Variants in CSMD1 observed in about 807,000 individuals in gnomAD.
The protein encoded by CSMD1 is CUB and sushi domain-containing protein 1.
A neutral mutation model predicts 417.5 loss-of-function variants in CSMD1; 213 were observed. That is an observed-to-expected ratio of 0.51 (90% CI 0.46 to 0.57). CSMD1 has a LOEUF of 0.57. Ranked by LOEUF, CSMD1 falls within the 20% of genes least tolerant of loss-of-function variation. The probability of loss-of-function intolerance (pLI) is 0.00; values close to 1 mark genes in which losing one functional copy is unlikely to be tolerated. For missense variants in CSMD1, 6,923 were observed against 4,529.7 expected, an observed-to-expected ratio of 1.53 and a Z score of -15.17; for synonymous variants, 2,862 against 1,736.8, an observed-to-expected ratio of 1.65 and a Z score of -16.11.
chr8:4,135,854 A>T (rs896541187), intron 3 of CSMD1, among the ~76,000 whole-genome samples: 4 of 152,172 alleles, frequency 2.6e-5, no homozygotes, highest in African/African-American at 9.7e-5. Context: ...GCATTTTTTT[A>T]AATCTAATAA....
intron 26 of CSMD1, among the ~76,000 whole-genome samples, chr8:3,255,946 C>G (rs137870464): frequency 0.054 from 8,168 of 152,278 alleles, 244 homozygotes; most frequent in Middle Eastern, 0.071. Flanking sequence ...AATCACCCAT[C>G]TTCTGCATCG....
At chr8:4,374,741 G>C (rs750726014) in intron 3 of CSMD1, among the ~76,000 whole-genome samples, 1 of 152,160 alleles carries the variant, frequency 6.6e-6, no homozygotes, top group South Asian at 2.1e-4. Flanking sequence ...ATGAGCAGCA[G>C]AGACGTCCAA....
chr8:4,177,418 C>T (rs1400072503), intron 3 of CSMD1, among the ~76,000 whole-genome samples: 2 of 151,872 alleles, frequency 1.3e-5, no homozygotes, highest in African/African-American at 4.8e-5. Flanking sequence ...ATCTCTGGGG[C>T]ACATTCAAAG....
chr8:4,460,539 C>T (rs1025558694), intron 2 of CSMD1, among the ~76,000 whole-genome samples: 2 of 151,836 alleles, frequency 1.3e-5, no homozygotes, highest in African/African-American at 4.8e-5. Context: ...AATTTTTAAA[C>T]CTTCTACAAA....
chr8:4,225,485 A>T (rs1290278457), intron 3 of CSMD1, among the ~76,000 whole-genome samples: 1 of 148,944 alleles, frequency 6.7e-6, no homozygotes, highest in East Asian at 2.0e-4. Flanking sequence ...CTTCAAGTTT[A>T]TATAAAGCAA....
intron 8 of CSMD1, among the ~76,000 whole-genome samples, chr8:3,615,544 T>A (rs1203288376): frequency 6.6e-6 from 1 of 152,210 alleles, no homozygotes; most frequent in Non-Finnish European, 1.5e-5. Flanking sequence ...TTTCTTCACA[T>A]CTATACTTTG....
At chr8:4,406,047 A>C (rs1348214330) in intron 3 of CSMD1, among the ~76,000 whole-genome samples, 1 of 152,202 alleles carries the variant, frequency 6.6e-6, no homozygotes, top group African/African-American at 2.4e-5. Flanking sequence ...GGCTGCTGGA[A>C]ACAATGCCAG....
chr8:3,469,038 G>A, intron 11 of CSMD1: 3 of 383,990 alleles, frequency 7.8e-6, no homozygotes, highest in Non-Finnish European at 1.4e-5. Flanking sequence ...TTCTATGGCT[G>A]CCAATTCGTG....
At chr8:2,983,550 T>C (rs1359851145) in intron 54 of CSMD1, among the ~76,000 whole-genome samples, 1 of 152,200 alleles carries the variant, frequency 6.6e-6, no homozygotes, top group Non-Finnish European at 1.5e-5. Context: ...ACGATAATTA[T>C]AGATAAGGCT....
At chr8:4,529,122 A>G (rs1208086981) in intron 2 of CSMD1, among the ~76,000 whole-genome samples, 1 of 152,220 alleles carries the variant, frequency 6.6e-6, no homozygotes, top group Non-Finnish European at 1.5e-5. Context: ...AGAAGCCACC[A>G]AACAGTGATT....
chr8:4,690,642 CT>C (rs1563149738), intron 1 of CSMD1, among the ~76,000 whole-genome samples: 2 of 152,068 alleles, frequency 1.3e-5, no homozygotes, highest in Non-Finnish European at 2.9e-5. Context: ...TCACACAATC[CT>C]TTTGTGAAAT....
At chr8:4,224,215 C>T (rs1801210699) in intron 3 of CSMD1, among the ~76,000 whole-genome samples, 1 of 86,294 alleles carries the variant, frequency 1.2e-5, no homozygotes. Context: ...TGATCCAAGT[C>T]CTAAAAAGGC....
chr8:4,519,742 C>CAAAAAAAAAAAAAAAAAAAAAAA lies in CSMD1; in HGVS notation c.303-99700_303-99678dup, dbSNP rs57747377. ...TAGGCAGCAGAGTCAGACTTCATCT[C>CAAAAAAAAAAAAAAAAAAAAAAA]AAAAAAAAAAAAAAAAAAAAAAAAA... On this transcript the variant is annotated intron_variant, in intron 2 of 69. Transcript: ENST00000635120. Among the ~76,000 whole-genome samples, 17 of 80,366 alleles carry CAAAAAAAAAAAAAAAAAAAAAAA rather than the reference C, an allele frequency of 2.1e-4. 6 individuals carry two copies. Among genetic ancestry groups the CAAAAAAAAAAAAAAAAAAAAAAA allele is most frequent in the African/African-American group, 8.9e-4 (17 of 19,120 alleles). The allele number at this position is 80,366 out of a possible 152,430, so 52.7% of individuals were successfully genotyped here. A position where few individuals can be genotyped will look rare whatever the true frequency, so the allele number is the denominator to read the frequency against.
intron 5 of CSMD1, among the ~76,000 whole-genome samples, chr8:3,868,727 AC>A (rs1805277147): frequency 6.6e-6 from 1 of 152,046 alleles, no homozygotes; most frequent in Admixed American, 6.6e-5. Context: ...GGCACTCCTG[AC>A]CCTCTGCTCT....
chr8:4,703,588 CTT>C (rs1296738288), intron 1 of CSMD1, among the ~76,000 whole-genome samples: 1 of 152,032 alleles, frequency 6.6e-6, no homozygotes, highest in Non-Finnish European at 1.5e-5. Flanking sequence ...AATGAAAACA[CTT>C]TGGTGTTAAG....
intron 5 of CSMD1, among the ~76,000 whole-genome samples, chr8:3,880,571 G>C (rs190162385): frequency 6.6e-5 from 10 of 152,264 alleles, no homozygotes; most frequent in African/African-American, 1.7e-4. Flanking sequence ...TGAATAGCCA[G>C]TTATCTTCCA....
intron 12 of CSMD1, among the ~76,000 whole-genome samples, chr8:3,455,723 C>T (rs920584993): frequency 6.6e-6 from 1 of 152,226 alleles, no homozygotes; most frequent in Non-Finnish European, 1.5e-5. Flanking sequence ...ACTGCCCCTA[C>T]TGGGGATGCG....
At chr8:4,327,201 A>G (rs1411249775) in intron 3 of CSMD1, among the ~76,000 whole-genome samples, 2 of 152,216 alleles carry the variant, frequency 1.3e-5, no homozygotes, top group East Asian at 3.9e-4. Context: ...ATAACACATT[A>G]CATATCTTTA....
At chr8:4,190,574 T>C (rs1168108430) in intron 3 of CSMD1, among the ~76,000 whole-genome samples, 1 of 151,446 alleles carries the variant, frequency 6.6e-6, no homozygotes, top group African/African-American at 2.4e-5. Flanking sequence ...GAGACTCTGA[T>C]GATCTATTCC....
Sources: allele counts gnomAD v4.1 joint callset (sites outside exome capture counted in the v4.1 genomes callset), GRCh38; gene constraint gnomAD v4.1.1; transcripts MANE v1.5; gene names NCBI Gene and HGNC (gene_info 2026-07-23, HGNC 2026-07-21).